Variants in COG5 observed in about 807,000 individuals in gnomAD.
COG5 encodes component of oligomeric golgi complex 5, also known as conserved oligomeric Golgi complex subunit 5.
In COG5, 86 loss-of-function variants were observed where a neutral mutation model predicts 110.4. That is an observed-to-expected ratio of 0.78 (90% CI 0.65 to 0.93). The LOEUF (loss-of-function observed/expected upper bound fraction) is 0.93. Among genes scored for constraint, COG5 ranks in the 40% least tolerant of loss-of-function variants. The pLI is 0.00. For missense variants in COG5, 1,077 were observed against 987.0 expected (o/e 1.09, Z -1.22); for synonymous variants, 360 against 334.6 (o/e 1.08, Z -0.83).
chr7:107,243,599 T>A (rs1801821496), intron 17 of COG5, among the ~76,000 whole-genome samples: 1 of 150,892 alleles, frequency 6.6e-6, no homozygotes, highest in African/African-American at 2.4e-5. Flanking sequence ...AATGACAGTA[T>A]TAGATAGATC....
In COG5 at chr7:107,562,807, A is replaced by C. The variant is rs557784813; in HGVS notation, c.94+996T>G. Among the ~76,000 whole-genome samples, 6 of 152,366 alleles carry C rather than the reference A, an allele frequency of 3.9e-5. No homozygotes were observed. The South Asian group carries it at 1.2e-3, about 32-fold the overall frequency. On this transcript the variant is annotated intron_variant, in intron 1 of 21. Transcript: ENST00000297135. ...TCAGAGAAAATAAACAATAATTTGG[A>C]ACTTTATTTCATTTATTACCCACTT...
chr7:107,453,684 C>T (rs944643690), intron 6 of COG5, among the ~76,000 whole-genome samples: 5 of 152,068 alleles, frequency 3.3e-5, no homozygotes, highest in African/African-American at 1.2e-4. Context: ...ATCTTCATTA[C>T]ATCACATGTT....
At chr7:107,309,518 T>C (rs939804526) in intron 11 of COG5, among the ~76,000 whole-genome samples, 1 of 152,156 alleles carries the variant, frequency 6.6e-6, no homozygotes, top group Admixed American at 6.5e-5. Flanking sequence ...ACAGATAAGC[T>C]AGTAGGTGTA....
Position 107,315,481 on chromosome 7 carries a change from G to T in COG5, c.1108+8959C>A, listed in dbSNP as rs560362845. Among the ~76,000 whole-genome samples, 3 of 152,052 alleles carry T rather than the reference G, an allele frequency of 2.0e-5. No homozygotes were observed. The South Asian group carries it at 6.2e-4, about 32-fold the overall frequency. Reference sequence around the variant, plus strand: ...ACAAGGGGTTTTAGACATGTAAAAAGAGATGTACTTGCTAGATTTTTCAAG... The same window carrying T: ...ACAAGGGGTTTTAGACATGTAAAAATAGATGTACTTGCTAGATTTTTCAAG... On this transcript the variant is annotated intron_variant, in intron 11 of 21. Coordinates refer to ENST00000297135, the MANE Select transcript of COG5 (RefSeq NM_006348.5).
chr7:107,562,293 T>C (rs1184324771), intron 1 of COG5, among the ~76,000 whole-genome samples: 1 of 152,206 alleles, frequency 6.6e-6, no homozygotes, highest in Non-Finnish European at 1.5e-5. Flanking sequence ...GTCCAAGAAC[T>C]GATTACAATT....
chr7:107,210,384 G>GCC, intron 21 of COG5, 142 bp downstream of exon 21: 1 of 1,466,950 alleles, frequency 6.8e-7, no homozygotes, highest in Non-Finnish European at 9.0e-7. Context: ...CAGCACCCGT[G>GCC]CCTAGGCAGT....
chr7:107,361,410 C>T (rs1031666425), intron 10 of COG5, among the ~76,000 whole-genome samples: 7 of 152,024 alleles, frequency 4.6e-5, no homozygotes, highest in East Asian at 1.9e-4. Context: ...AAAGTTTTCA[C>T]CTTATTCTCT....
chr7:107,261,575 A>G (rs1803353029), intron 14 of COG5, among the ~76,000 whole-genome samples: 1 of 152,188 alleles, frequency 6.6e-6, no homozygotes, highest in African/African-American at 2.4e-5. Context: ...TCTGGGCACT[A>G]GGTTTGCTCA....
intron 18 of COG5, among the ~76,000 whole-genome samples, chr7:107,231,291 A>G (rs1345384692): frequency 6.6e-6 from 1 of 152,254 alleles, no homozygotes. Context: ...TTATGTGCAT[A>G]GCATATAAGT....
intron 7 of COG5, among the ~76,000 whole-genome samples, chr7:107,387,937 C>T (rs193183527): frequency 1.3e-5 from 2 of 152,376 alleles, no homozygotes; most frequent in East Asian, 3.9e-4. Context: ...GCTAGATCAA[C>T]ATACACAACC....
In COG5 at chr7:107,226,539, G is replaced by A. The variant is rs147413637; in HGVS notation, c.2168+4076C>T. ...TCTAGGAAGGAATTTGGTAGGACCC[G>A]CCACATGGGTAAGCTTTCTCAAGTC... On this transcript the variant is annotated intron_variant, in intron 19 of 21. Coordinates refer to ENST00000297135, the MANE Select transcript of COG5 (RefSeq NM_006348.5). Among the ~76,000 whole-genome samples, 356 of 152,280 alleles carry A rather than the reference G, an allele frequency of 2.3e-3. 2 individuals carry two copies. The highest frequency in any genetic ancestry group is 3.8e-3 in the Non-Finnish European group (257 of 68,020).
rs368239973 is a variant in COG5 at position 107,563,838 on chromosome 7, G to A, written c.59C>T (p.Ala20Val). Residue 20 changes from alanine to valine, a missense_variant, in exon 1 of 22, where the codon GCG becomes GTG. Physicochemically the swap from Ala to Val is moderately conservative, Grantham distance 64 (BLOSUM62 0). Coordinates refer to ENST00000297135, the MANE Select transcript of COG5 (RefSeq NM_006348.5). ...AAGTTCCCGGACTGTAGCTGCAGCC[G>A]CTCCAGAGCCTCGAGCTCCGAGGCC... is the stretch of plus-strand genomic sequence containing the variant. The part of the protein sequence containing the change: ...VAGLGARGSG[A>V]AAATVRELLQ... 35 of 1,613,656 alleles carry A rather than the reference G, an allele frequency of 2.2e-5. No homozygotes were observed. The highest frequency in any genetic ancestry group is 3.3e-5 in the Admixed American group (2 of 60,002).
At chr7:107,499,062 G>T (rs1798465242) in intron 6 of COG5, among the ~76,000 whole-genome samples, 1 of 152,164 alleles carries the variant, frequency 6.6e-6, no homozygotes, top group Non-Finnish European at 1.5e-5. Flanking sequence ...GACAAATACT[G>T]CATGATTCCA....
intron 3 of COG5, among the ~76,000 whole-genome samples, chr7:107,549,574 T>TG (rs1168472829): frequency 1.2e-4 from 18 of 150,806 alleles, no homozygotes; most frequent in African/African-American, 3.9e-4. Flanking sequence ...TTTTTTTTTT[T>TG]TGTATTTTTA....
intron 6 of COG5, among the ~76,000 whole-genome samples, chr7:107,509,582 A>G (rs1400478861): frequency 6.6e-6 from 1 of 152,168 alleles, no homozygotes; most frequent in East Asian, 1.9e-4. Context: ...GAGCAACTCC[A>G]ACACACGTAA....
intron 14 of COG5, among the ~76,000 whole-genome samples, chr7:107,274,091 C>T (rs1319126339): frequency 6.6e-6 from 1 of 152,082 alleles, no homozygotes; most frequent in Non-Finnish European, 1.5e-5. Flanking sequence ...TTAACACAAA[C>T]ACACCATTAG....
chr7:107,318,499 A>G (rs1182209182), intron 11 of COG5, among the ~76,000 whole-genome samples: 2 of 152,244 alleles, frequency 1.3e-5, no homozygotes, highest in Non-Finnish European at 2.9e-5. Context: ...CAACAGATGC[A>G]TTGCAACTAC....
rs767208462 is a variant in COG5 at position 107,324,526 on chromosome 7, G to A, written c.1027-5C>T. The A allele has an allele frequency of 3.2e-6, 5 of 1,587,018 alleles. No individual in the cohort carries two copies. Among genetic ancestry groups the A allele is most frequent in the Middle Eastern group, 1.7e-4 (1 of 5,978 alleles). On this transcript the variant is annotated splice_region_variant and splice_polypyrimidine_tract_variant and intron_variant, in intron 10 of 21. Transcript: ENST00000297135. ...GAAAATTTCCGGTTGTCCATCCTGT[G>A]AAGAACAAACAAAAATTTTTTAAAA...
At chr7:107,488,586 TGTAATCCCAGCGCTTTG>T (rs1797792966) in intron 6 of COG5, among the ~76,000 whole-genome samples, 1 of 152,198 alleles carries the variant, frequency 6.6e-6, no homozygotes, top group Non-Finnish European at 1.5e-5. Flanking sequence ...AGCTCACGCC[TGTAATCCCAGCGCTTTG>T]GGAGGCCAAG....
Sources: gnomAD v4.1 joint callset for allele counts (sites outside exome capture counted in the v4.1 genomes callset) on GRCh38, gnomAD v4.1.1 for gene constraint, MANE v1.5 for transcripts, NCBI Gene and HGNC (gene_info 2026-07-23, HGNC 2026-07-21) for gene names.